INPP4A: variants seen among roughly 807,000 people sequenced by gnomAD.
The protein encoded by INPP4A is inositol polyphosphate-4-phosphatase type I A, also known as inositol polyphosphate-4-phosphatase, type I, 107kD.
INPP4A carries 33 observed loss-of-function variants against 119.8 expected under a neutral mutation model. The observed-to-expected ratio is 0.28, with a 90% CI of 0.21 to 0.37. The LOEUF is 0.37. INPP4A is among the 10% of genes least tolerant of loss of function. The pLI is 1.00. For synonymous variants in INPP4A, 496 were observed against 500.7 expected, an observed-to-expected ratio of 0.99 and a Z score of 0.12; for missense variants, 956 against 1,289.9, an observed-to-expected ratio of 0.74 and a Z score of 3.97.
In INPP4A at chr2:98,543,927, T is replaced by G. The variant is rs2106065778; in HGVS notation, c.869T>G (p.Leu290Arg). ...GAGCTGTCCCCTTGCTGGGAGAGCC[T>G]CCGGCGCCAAATTGTCACCCAGTAC... ...LGELSPCWES[L>R]RRQIVTQYQT... The change falls in exon 11 of 25, where the codon CTC becomes CGC. Residue 290 changes from leucine to arginine, a missense_variant. By Grantham distance (102) the Leu-to-Arg change is moderately radical. Transcript: ENST00000409851. The G allele has an allele frequency of 6.2e-7, 1 of 1,610,492 alleles. No homozygotes were observed. The highest frequency in any genetic ancestry group is 1.3e-5 in the African/African-American group (1 of 74,954).
intron 1 of INPP4A, among the ~76,000 whole-genome samples, chr2:98,455,604 G>T (rs1434227769): frequency 6.6e-6 from 1 of 152,026 alleles, no homozygotes; most frequent in African/African-American, 2.4e-5. Flanking sequence ...TTCCTCCCCC[G>T]TCGAATCCTC....
intron 24 of INPP4A, chr2:98,581,654 C>T: frequency 6.3e-7 from 1 of 1,596,634 alleles, no homozygotes; most frequent in Non-Finnish European, 8.5e-7. Flanking sequence ...TAGACCCCAG[C>T]CTCCTCTGTT....
In INPP4A at chr2:98,594,343, T is replaced by C. The variant is rs1700515137; in HGVS notation, c.*6735T>C. 1 of 152,226 alleles carries C rather than the reference T, an allele frequency of 6.6e-6. No homozygotes were observed. The highest frequency in any genetic ancestry group is 1.5e-5 in the Non-Finnish European group (1 of 68,038). 9.4% of individuals were successfully genotyped at this position (152,226 alleles called of 1,614,324 possible). A position where few individuals can be genotyped will look rare whatever the true frequency, so the allele number is the denominator to read the frequency against. ...CTTAACATACGAACATCCTATTCACTTTTTGGTATACTGGTTGTTTAACAG... is the reference window on the plus strand; with the variant it reads ...CTTAACATACGAACATCCTATTCACCTTTTGGTATACTGGTTGTTTAACAG... On this transcript the variant is annotated 3_prime_UTR_variant, in exon 25 of 25. Transcript: ENST00000409851.
rs1700091081 is a variant in INPP4A, at chr2:98,587,712, TG to T, written c.*105del. 1 of 1,031,954 alleles carries T rather than the reference TG, an allele frequency of 9.7e-7. No homozygotes were observed. Among genetic ancestry groups the T allele is most frequent in the Admixed American group, 2.9e-5 (1 of 34,432 alleles). The allele number at this position is 1,031,954 out of a possible 1,614,324, so 63.9% of individuals were successfully genotyped here. A position where few individuals can be genotyped will look rare whatever the true frequency, so the allele number is the denominator to read the frequency against. On this transcript the variant is annotated 3_prime_UTR_variant, in exon 25 of 25. Transcript: ENST00000409851. ...ACCTGAAGGATTGGTTTTTATTTTT[TG>T]TGGTTTTTTTAAAAAAAACATTTCA...
chr2:98,502,274 G>A (rs1683273902), intron 1 of INPP4A, among the ~76,000 whole-genome samples: 1 of 152,214 alleles, frequency 6.6e-6, no homozygotes, highest in Non-Finnish European at 1.5e-5. Context: ...TACAGAGGCA[G>A]GGCTTGAAGT....
chr2:98,522,737 G>A (rs1206705545), intron 4 of INPP4A, among the ~76,000 whole-genome samples: 1 of 150,766 alleles, frequency 6.6e-6, no homozygotes, highest in South Asian at 2.1e-4. Flanking sequence ...GGATCACAGG[G>A]AATAAAATGA....
chr2:98,480,065 G>C (rs942038632), intron 1 of INPP4A, among the ~76,000 whole-genome samples: 4 of 152,250 alleles, frequency 2.6e-5, no homozygotes, highest in Admixed American at 2.0e-4. Flanking sequence ...CCAGCTTGCT[G>C]TCCTTGCCAG....
At chr2:98,574,489 T>G (rs1234191957) in intron 23 of INPP4A, among the ~76,000 whole-genome samples, 1 of 151,910 alleles carries the variant, frequency 6.6e-6, no homozygotes, top group Non-Finnish European at 1.5e-5. Flanking sequence ...AATACAAAAA[T>G]TAGCCAGGCG....
rs960143118 is a variant in INPP4A, at chr2:98,569,882, C to T, written c.2518+1214C>T. ...GGATTGGAAGAGGGGAGGCAAGCCG[C>T]TGATGGCCAGAGTGAGGCTGTGACA... On this transcript the variant is annotated intron_variant, in intron 22 of 24. Transcript: ENST00000409851. This position sits in a 1 kb window ranked among gnomAD's most constrained non-coding sequence, Gnocchi z 5.1. The T allele has an allele frequency of 2.6e-5, 4 of 152,388 alleles. No individual in the cohort carries two copies. Among genetic ancestry groups the T allele is most frequent in the Admixed American group, 2.6e-4 (4 of 15,282 alleles). The allele number at this position is 152,388 out of a possible 1,614,324, so 9.4% of individuals were successfully genotyped here. A position where few individuals can be genotyped will look rare whatever the true frequency, so the allele number is the denominator to read the frequency against.
chr2:98,531,469 T>G (rs1689199443), intron 4 of INPP4A, among the ~76,000 whole-genome samples: 1 of 151,990 alleles, frequency 6.6e-6, no homozygotes, highest in African/African-American at 2.4e-5. Context: ...CAGAAAAGGG[T>G]CAGAAGCAAT....
chr2:98,512,770 A>G (rs1238207480), intron 1 of INPP4A, among the ~76,000 whole-genome samples: 4 of 152,190 alleles, frequency 2.6e-5, no homozygotes, highest in Non-Finnish European at 1.5e-5. Context: ...TTCAAACTGT[A>G]TCAAGAGCCT....
At chr2:98,489,059 G>A (rs980793627) in intron 1 of INPP4A, among the ~76,000 whole-genome samples, 7 of 151,706 alleles carry the variant, frequency 4.6e-5, no homozygotes, top group Admixed American at 2.0e-4. Context: ...TCTGTGGGGT[G>A]ATGATGGGAA....
At chr2:98,505,465 G>A (rs1352623121) in intron 1 of INPP4A, among the ~76,000 whole-genome samples, 2 of 152,212 alleles carry the variant, frequency 1.3e-5, no homozygotes, top group African/African-American at 4.8e-5. Flanking sequence ...AAGAGAGGAC[G>A]TGGGAGCTTT....
At position 98,446,427 on chromosome 2, in the gene INPP4A, G is replaced by A. The variant is rs147499271; in HGVS notation, c.-166+1342G>A. On this transcript the variant is annotated intron_variant, in intron 1 of 24. Coordinates refer to ENST00000409851, the MANE Select transcript of INPP4A (RefSeq NM_001134225.2). ...CCATGTAAGAAGGGCAGTGTGGTTG[G>A]TCTGTTGCAGGAGTGGTGCCAGGAG... Among the ~76,000 whole-genome samples, 329 of 152,168 alleles carry A rather than the reference G, an allele frequency of 2.2e-3. 1 individual carries two copies. The highest frequency in any genetic ancestry group is 6.2e-3 in the South Asian group (30 of 4,814).
chr2:98,513,324 A>G (rs1039410976), intron 1 of INPP4A, among the ~76,000 whole-genome samples: 1 of 152,224 alleles, frequency 6.6e-6, no homozygotes, highest in Non-Finnish European at 1.5e-5. Flanking sequence ...GCCATATTTA[A>G]GGAAGAATGA....
rs1399695581 is a variant in INPP4A at position 98,479,994 on chromosome 2, G to A, written c.-166+34909G>A. ...AACTGCCCCCAAACAGCACAGAATG[G>A]CAGGGTCCTGCCCCCAGGGAGTGCT... On this transcript the variant is annotated intron_variant, in intron 1 of 24. Transcript: ENST00000409851. Among the ~76,000 whole-genome samples the A allele has an allele frequency of 5.3e-5, 8 of 152,188 alleles. No homozygotes were observed. The East Asian group carries it at 7.7e-4, about 15-fold the overall frequency.
At chr2:98,515,207 A>T (rs949339532) in intron 1 of INPP4A, among the ~76,000 whole-genome samples, 3 of 152,194 alleles carry the variant, frequency 2.0e-5, no homozygotes, top group African/African-American at 7.2e-5. Flanking sequence ...CACCTCACTG[A>T]TCTATGATTT....
At chr2:98,527,821 T>A (rs1688454782) in intron 4 of INPP4A, among the ~76,000 whole-genome samples, 1 of 152,160 alleles carries the variant, frequency 6.6e-6, no homozygotes, top group African/African-American at 2.4e-5. Context: ...TGGCCACACA[T>A]GACAAAGAGT....
intron 24 of INPP4A, among the ~76,000 whole-genome samples, chr2:98,580,470 C>T (rs1469533984): frequency 2.0e-5 from 3 of 152,248 alleles, no homozygotes; most frequent in Non-Finnish European, 4.4e-5. Context: ...AAGAGATTCA[C>T]ACATTTGGCC....
Sources: allele counts gnomAD v4.1 joint callset (sites outside exome capture counted in the v4.1 genomes callset), GRCh38; gene constraint gnomAD v4.1.1; non-coding constraint Gnocchi (gnomAD v3.1); transcripts MANE v1.5; gene names NCBI Gene and HGNC (gene_info 2026-07-23, HGNC 2026-07-21).